Variants in LRRC4C observed in about 807,000 individuals in gnomAD.
LRRC4C encodes the protein leucine rich repeat containing 4C.
Under a neutral mutation model 33.6 loss-of-function variants are expected in LRRC4C, and 5 were observed. The ratio of observed to expected loss-of-function variants is 0.15; its 90% CI spans 0.08 to 0.31. The LOEUF (loss-of-function observed/expected upper bound fraction) is 0.31, where lower values mean the gene tolerates loss of function less well. Among genes scored for constraint, LRRC4C ranks in the 10% least tolerant of loss-of-function variants. The pLI is 1.00. For missense variants in LRRC4C, 560 were observed against 796.7 expected, an observed-to-expected ratio of 0.70 and a Z score of 3.58; for synonymous variants, 329 against 302.0, an observed-to-expected ratio of 1.09 and a Z score of -0.93.
intron 1 of LRRC4C, among the ~76,000 whole-genome samples, chr11:41,009,909 G>A (rs1191880187): frequency 2.0e-5 from 3 of 152,122 alleles, no homozygotes; most frequent in Non-Finnish European, 4.4e-5. Context: ...AATTTATAAT[G>A]AGGCCATTAG....
intron 2 of LRRC4C, among the ~76,000 whole-genome samples, chr11:40,884,730 A>C (rs1416034607): frequency 6.6e-6 from 1 of 152,124 alleles, no homozygotes; most frequent in Non-Finnish European, 1.5e-5. Context: ...CTAGATGTGT[A>C]AATGTATACA....
chr11:40,629,309 C>G (rs1963251854), intron 3 of LRRC4C, among the ~76,000 whole-genome samples: 1 of 152,034 alleles, frequency 6.6e-6, no homozygotes, highest in African/African-American at 2.4e-5. Flanking sequence ...AAAAGGCTTA[C>G]TGGGCTGTTT....
At chr11:41,426,009 A>G (rs1955026806) in intron 1 of LRRC4C, among the ~76,000 whole-genome samples, 1 of 152,176 alleles carries the variant, frequency 6.6e-6, no homozygotes, top group African/African-American at 2.4e-5. Flanking sequence ...TCTAAAACTG[A>G]ATGTTCTTTT....
At chr11:40,647,442 G>A (rs897603467) in intron 3 of LRRC4C, among the ~76,000 whole-genome samples, 3 of 152,110 alleles carry the variant, frequency 2.0e-5, no homozygotes, top group African/African-American at 7.2e-5. Flanking sequence ...ATTTCTAGGT[G>A]TGAGTCCCCT....
chr11:40,815,581 A>G (rs1487058769), intron 2 of LRRC4C, among the ~76,000 whole-genome samples: 1 of 152,132 alleles, frequency 6.6e-6, no homozygotes, highest in Non-Finnish European at 1.5e-5. Flanking sequence ...TCTACCACCC[A>G]TACTTTTAAA....
chr11:40,274,778 T>C (rs1942976777), intron 4 of LRRC4C, among the ~76,000 whole-genome samples: 2 of 152,226 alleles, frequency 1.3e-5, no homozygotes, highest in South Asian at 2.1e-4. Flanking sequence ...GTAACTTACA[T>C]AGAGTGCTAC....
At chr11:41,131,656 C>G (rs536396376) in intron 1 of LRRC4C, among the ~76,000 whole-genome samples, 49 of 152,118 alleles carry the variant, frequency 3.2e-4, no homozygotes, top group Non-Finnish European at 1.6e-4. Flanking sequence ...GGAGGTTAGG[C>G]ATTCTTAGTC....
chr11:41,386,374 G>T (rs1039830949), intron 1 of LRRC4C, among the ~76,000 whole-genome samples: 1 of 151,582 alleles, frequency 6.6e-6, no homozygotes, highest in Non-Finnish European at 1.5e-5. Context: ...AGTATAGAGA[G>T]TTCCCATATG....
intron 1 of LRRC4C, among the ~76,000 whole-genome samples, chr11:41,252,283 C>T (rs1948664838): frequency 6.6e-6 from 1 of 152,040 alleles, no homozygotes; most frequent in African/African-American, 2.4e-5. Flanking sequence ...AGTTAGACTC[C>T]TACCTTTTAA....
In LRRC4C at chr11:40,875,907, C is replaced by A. The variant is rs534801653; in HGVS notation, c.-407+57728G>T. On this transcript the variant is annotated intron_variant, in intron 2 of 6. Transcript: ENST00000528697. ...TGGGAGCCCTGAGCTTGTTTTCCTG[C>A]AACTAGACGGTCCCATCTAGGGGCG... Among the ~76,000 whole-genome samples the A allele has an allele frequency of 3.3e-5, 5 of 152,184 alleles. No homozygotes were observed. The East Asian group carries it at 9.7e-4, about 29-fold the overall frequency.
intron 1 of LRRC4C, among the ~76,000 whole-genome samples, chr11:41,278,577 CTTG>C (rs1949554769): frequency 6.6e-6 from 1 of 152,190 alleles, no homozygotes; most frequent in South Asian, 2.1e-4. Flanking sequence ...ACATGGAGGG[CTTG>C]TTAAGACAGA....
intron 3 of LRRC4C, among the ~76,000 whole-genome samples, chr11:40,620,637 C>G (rs995536349): frequency 6.6e-6 from 1 of 151,772 alleles, no homozygotes; most frequent in Non-Finnish European, 1.5e-5. Context: ...TTGTCACTTA[C>G]TCTAGACTAA....
At chr11:40,133,547 A>G (rs1235510672) in intron 6 of LRRC4C, among the ~76,000 whole-genome samples, 1 of 152,204 alleles carries the variant, frequency 6.6e-6, no homozygotes, top group Non-Finnish European at 1.5e-5. Context: ...ATAATAATAT[A>G]TGATTCTAAG....
chr11:41,038,195 G>A (rs775215079), intron 1 of LRRC4C, among the ~76,000 whole-genome samples: 2 of 152,134 alleles, frequency 1.3e-5, no homozygotes, highest in Non-Finnish European at 2.9e-5. Context: ...GGTACGCAGA[G>A]CAAATATAGT....
intron 1 of LRRC4C, among the ~76,000 whole-genome samples, chr11:41,216,596 C>T (rs988530213): frequency 6.6e-6 from 1 of 152,074 alleles, no homozygotes; most frequent in African/African-American, 2.4e-5. Context: ...AAGACGATGC[C>T]TTCCTTATTT....
chr11:41,340,711 A>T (rs749661942), intron 1 of LRRC4C, among the ~76,000 whole-genome samples: 5 of 152,188 alleles, frequency 3.3e-5, no homozygotes, highest in Non-Finnish European at 7.3e-5. Flanking sequence ...TTTCTCCTTT[A>T]GAAAATAAAG....
Position 40,646,358 on chromosome 11 carries a change from A to C in LRRC4C, c.-270+1784T>G, listed in dbSNP as rs570032203. On this transcript the variant is annotated intron_variant, in intron 3 of 6. Coordinates refer to ENST00000528697, the MANE Select transcript of LRRC4C (RefSeq NM_001258419.2). ...CTCCTGTTGCTCATAAGAATGACACAAGCATATAAGAAGCTTCTAGAACTG... is the reference window on the plus strand; with the variant it reads ...CTCCTGTTGCTCATAAGAATGACACCAGCATATAAGAAGCTTCTAGAACTG... 2.6e-3 allele frequency among the ~76,000 whole-genome samples: 393 copies of C among 152,344 alleles called. 1 individual carries two copies. The highest frequency in any genetic ancestry group is 4.8e-3 in the Non-Finnish European group (325 of 68,034).
intron 1 of LRRC4C, among the ~76,000 whole-genome samples, chr11:41,187,276 C>T (rs1945736388): frequency 1.3e-5 from 2 of 152,264 alleles, no homozygotes; most frequent in South Asian, 4.1e-4. Context: ...TGTGTCTGTA[C>T]AAATCCCGAG....
At chr11:40,707,527 T>C (rs1357571233) in intron 2 of LRRC4C, among the ~76,000 whole-genome samples, 1 of 152,244 alleles carries the variant, frequency 6.6e-6, no homozygotes, top group African/African-American at 2.4e-5. Context: ...GATTTGCTTA[T>C]GCTGAACCAG....
Sources: allele counts gnomAD v4.1 joint callset (sites outside exome capture counted in the v4.1 genomes callset), GRCh38; gene constraint gnomAD v4.1.1; transcripts MANE v1.5; gene names NCBI Gene and HGNC (gene_info 2026-07-23, HGNC 2026-07-21).